Variants in NEMP2 observed in about 807,000 individuals in gnomAD.
NEMP2 encodes UPF0571 transmembrane protein.
A neutral mutation model predicts 54.2 loss-of-function variants in NEMP2; 53 were observed. The observed-to-expected ratio is 0.98, with a 90% confidence interval of 0.78 to 1.23. The LOEUF is 1.23. Among genes scored for constraint, NEMP2 ranks in the 50% most tolerant of loss-of-function variants. The probability of loss-of-function intolerance (pLI) is 0.00; values close to 1 mark genes in which losing one functional copy is unlikely to be tolerated. For synonymous variants in NEMP2, 197 were observed against 190.3 expected (o/e 1.04, Z -0.29); for missense variants, 455 against 511.3 (o/e 0.89, Z 1.06).
chr2:190,544,483 G>A, the NEMP2 span, among the ~76,000 whole-genome samples: 20 of 152,190 alleles, frequency 1.3e-4, no homozygotes, highest in African/African-American at 4.1e-4. Context: ...TTTAAGTTGT[G>A]ATTCTCAAAT....
chr2:190,565,694 G>T, the NEMP2 span, among the ~76,000 whole-genome samples: 1 of 152,168 alleles, frequency 6.6e-6, no homozygotes, highest in African/African-American at 2.4e-5. Context: ...AGGCTGAATT[G>T]CATCTCCCCA....
the NEMP2 span, among the ~76,000 whole-genome samples, chr2:190,576,607 T>C: frequency 1.0e-4 from 14 of 137,422 alleles, no homozygotes; most frequent in Admixed American, 1.0e-3. Flanking sequence ...AGGGTGAATT[T>C]ACTAGTTTAT....
chr2:190,422,631 G>A, the NEMP2 span, among the ~76,000 whole-genome samples: 1 of 152,114 alleles, frequency 6.6e-6, no homozygotes, highest in Non-Finnish European at 1.5e-5. Flanking sequence ...AAGTTTGTAA[G>A]GTAATTCGTT....
chr2:190,648,290 C>T, the NEMP2 span: 2 of 152,310 alleles, frequency 1.3e-5, no homozygotes, highest in Non-Finnish European at 2.9e-5. Context: ...CTCCTCCCGT[C>T]CCAACGCCAG....
chr2:190,481,129 C>T, the NEMP2 span, among the ~76,000 whole-genome samples: 2 of 152,058 alleles, frequency 1.3e-5, no homozygotes, highest in African/African-American at 2.4e-5. Flanking sequence ...AAACACTGGG[C>T]GTGTAGTATA....
the NEMP2 span, among the ~76,000 whole-genome samples, chr2:190,585,786 G>A: frequency 6.6e-6 from 1 of 152,160 alleles, no homozygotes; most frequent in South Asian, 2.1e-4. This position sits in a 1 kb window ranked among gnomAD's most constrained non-coding sequence, Gnocchi z 5.3. Context: ...CTGAGGAGCA[G>A]TCCAGGCACT....
chr2:190,628,964 TTAAC>T, the NEMP2 span, among the ~76,000 whole-genome samples: 6 of 152,160 alleles, frequency 3.9e-5, no homozygotes, highest in African/African-American at 1.2e-4. The surrounding 1 kb of genome is among the most constrained non-coding windows in gnomAD (Gnocchi z 4.1). Context: ...TTCATTGAGT[TTAAC>T]TATCCAAAAT....
the NEMP2 span, among the ~76,000 whole-genome samples, chr2:190,572,215 C>A: frequency 6.6e-6 from 1 of 151,860 alleles, no homozygotes; most frequent in African/African-American, 2.4e-5. Flanking sequence ...ATTTTCTCAG[C>A]TTTTTTAAAT....
the NEMP2 span, among the ~76,000 whole-genome samples, chr2:190,593,198 A>C: frequency 6.6e-6 from 1 of 152,250 alleles, no homozygotes; most frequent in Non-Finnish European, 1.5e-5. This position sits in a 1 kb window ranked among gnomAD's most constrained non-coding sequence, Gnocchi z 4.5. Context: ...GGCATCTGCC[A>C]TGCCCTAGCT....
At chr2:190,476,654 C>T in the NEMP2 span, among the ~76,000 whole-genome samples, 2 of 152,174 alleles carry the variant, frequency 1.3e-5, no homozygotes, top group African/African-American at 2.4e-5. Flanking sequence ...GGCGATTCCT[C>T]AGGGATCTAG....
chr2:190,430,904 CAGA>C, the NEMP2 span, among the ~76,000 whole-genome samples: 1 of 149,754 alleles, frequency 6.7e-6, no homozygotes. Flanking sequence ...CCTCACTTCC[CAGA>C]TGGGGTGGCT....
the NEMP2 span, among the ~76,000 whole-genome samples, chr2:190,605,705 C>T: frequency 4.6e-5 from 7 of 152,296 alleles, no homozygotes; most frequent in East Asian, 1.3e-3. Context: ...TATGCTTTTG[C>T]AGCTGCTCAA....
At chr2:190,581,975 G>A in the NEMP2 span, among the ~76,000 whole-genome samples, 192 of 152,270 alleles carry the variant, frequency 1.3e-3, 1 homozygote, top group African/African-American at 4.3e-3. Context: ...CTGAAAGCTG[G>A]TAGTGCGGCA....
rs1690985539 is a variant in NEMP2 at position 190,527,625 on chromosome 2, C to T, written c.98-2247G>A. Among the ~76,000 whole-genome samples, 1 of 151,990 alleles carries T rather than the reference C, an allele frequency of 6.6e-6. No homozygotes were observed. The highest frequency in any genetic ancestry group is 2.4e-5 in the African/African-American group (1 of 41,344). On this transcript the variant is annotated intron_variant, in intron 1 of 8. Transcript: ENST00000409150. The surrounding 1 kb of genome is among the most constrained non-coding windows in gnomAD (Gnocchi z 4.0). ...ATCCAGGTGAAAAGCCAGTAAAAACCACAAGAAGGAACCTCTAGAGCAAAG... is the reference window on the plus strand; with the variant it reads ...ATCCAGGTGAAAAGCCAGTAAAAACTACAAGAAGGAACCTCTAGAGCAAAG...
the NEMP2 span, among the ~76,000 whole-genome samples, chr2:190,444,209 T>C: frequency 2.7e-3 from 411 of 152,356 alleles, 2 homozygotes; most frequent in Non-Finnish European, 5.0e-3. Context: ...TAATAACTTT[T>C]CTTAGCACTG....
At chr2:190,428,625 G>T in the NEMP2 span, among the ~76,000 whole-genome samples, 1 of 151,942 alleles carries the variant, frequency 6.6e-6, no homozygotes, top group Non-Finnish European at 1.5e-5. Context: ...TGAGTATCAT[G>T]TTGGCACTCA....
At chr2:190,487,738 T>C in the NEMP2 span, among the ~76,000 whole-genome samples, 2 of 152,280 alleles carry the variant, frequency 1.3e-5, no homozygotes, top group South Asian at 2.1e-4. The surrounding 1 kb of genome is among the most constrained non-coding windows in gnomAD (Gnocchi z 5.5). Context: ...TAAAAAGATA[T>C]ATATAAGTTC....
In NEMP2 at chr2:190,523,857, T is replaced by C. The variant is rs1690837367; in HGVS notation, c.213+1406A>G. 6.6e-6 allele frequency among the ~76,000 whole-genome samples: 1 copy of C among 151,998 alleles called. No individual in the cohort carries two copies. The highest frequency in any genetic ancestry group is 2.1e-4 in the South Asian group (1 of 4,812). On this transcript the variant is annotated intron_variant, in intron 2 of 8. Transcript: ENST00000409150. The surrounding 1 kb of genome is among the most constrained non-coding windows in gnomAD (Gnocchi z 5.3). ...GTGAGACTATATGGATATAAATAAATACATGGGAGGAGGAAAATCTCTTCT... is the reference window on the plus strand; with the variant it reads ...GTGAGACTATATGGATATAAATAAACACATGGGAGGAGGAAAATCTCTTCT...
the NEMP2 span, among the ~76,000 whole-genome samples, chr2:190,575,115 A>T: frequency 6.6e-6 from 1 of 151,804 alleles, no homozygotes; most frequent in African/African-American, 2.4e-5. Flanking sequence ...TCGCCCTCCC[A>T]AAGTGCTGGG....
Sources: gnomAD v4.1 joint callset for allele counts (sites outside exome capture counted in the v4.1 genomes callset) on GRCh38, gnomAD v4.1.1 for gene constraint, Gnocchi (gnomAD v3.1) non-coding constraint, MANE v1.5 for transcripts, NCBI Gene and HGNC (gene_info 2026-07-23, HGNC 2026-07-21) for gene names.